SLC24A4: variants seen among roughly 807,000 people sequenced by gnomAD.
The protein encoded by SLC24A4 is solute carrier family 24 member 4.
SLC24A4 carries 53 observed loss-of-function variants against 79.0 expected under a neutral mutation model. The ratio of observed to expected loss-of-function variants is 0.67; its 90% CI spans 0.54 to 0.84. The LOEUF (loss-of-function observed/expected upper bound fraction) is 0.84, where lower values mean the gene tolerates loss of function less well. Ranked by LOEUF, SLC24A4 falls within the 40% of genes least tolerant of loss-of-function variation. The pLI is 0.00. For synonymous variants in SLC24A4, 323 were observed against 323.8 expected, an observed-to-expected ratio of 1.00 and a Z score of 0.03; for missense variants, 731 against 822.0, an observed-to-expected ratio of 0.89 and a Z score of 1.35.
At chr14:92,354,429 G>A (rs1356608252) in intron 2 of SLC24A4, among the ~76,000 whole-genome samples, 3 of 152,096 alleles carry the variant, frequency 2.0e-5, no homozygotes, top group Non-Finnish European at 2.9e-5. Context: ...GGGATTACAG[G>A]TGTGAGCCAC....
At chr14:92,474,856 T>TAGAG (rs1344488210) in intron 12 of SLC24A4, among the ~76,000 whole-genome samples, 1 of 68,848 alleles carries the variant, frequency 1.5e-5, no homozygotes, top group Non-Finnish European at 2.8e-5. Flanking sequence ...TATATATATA[T>TAGAG]ATATATATTT....
At chr14:92,361,897 C>A (rs892891473) in intron 2 of SLC24A4, among the ~76,000 whole-genome samples, 1 of 152,076 alleles carries the variant, frequency 6.6e-6, no homozygotes, top group African/African-American at 2.4e-5. Flanking sequence ...ATCAGAGGAA[C>A]GGAACCTGGA....
rs61744588 is a variant in SLC24A4 at position 92,492,225 on chromosome 14, C to T, written c.1701C>T (p.Gly567=). 4.2e-3 allele frequency: 6,734 copies of T among 1,614,092 alleles called. 280 individuals are homozygous for T. The African/African-American group carries it at 0.079, about 19-fold the overall frequency. Residue 567 remains glycine, a synonymous_variant, in exon 16 of 17, where the codon GGC becomes GGT. Coordinates refer to ENST00000532405, the MANE Select transcript of SLC24A4 (RefSeq NM_153646.4). ...GLVYSVVLLL[G]SVALTVLGIH... is the part of the protein sequence containing the mutation. ...TCTATTCCGTGGTCCTGTTGCTGGG[C>T]TCTGTCGCTCTCACCGTGAGTCTTT...
Position 92,486,662 on chromosome 14 carries a change from G to A in SLC24A4, c.1423-4G>A. 6.3e-7 allele frequency: 1 copy of A among 1,599,736 alleles called. No homozygotes were observed. Among genetic ancestry groups the A allele is most frequent in the South Asian group, 1.1e-5 (1 of 90,758 alleles). On this transcript the variant is annotated splice_region_variant and splice_polypyrimidine_tract_variant and intron_variant, in intron 13 of 16. Coordinates refer to ENST00000532405, the MANE Select transcript of SLC24A4 (RefSeq NM_153646.4). ...AGTTCATGTCTCCACCCCACATTCT[G>A]CAGGTGACTATTATCGGATACACAC...
Position 92,385,786 on chromosome 14 carries a change from C to T in SLC24A4, c.242-48126C>T, listed in dbSNP as rs11624299. Among the ~76,000 whole-genome samples the T allele has an allele frequency of 4.1e-3, 619 of 152,288 alleles. 4 individuals carry two copies. The highest frequency in any genetic ancestry group is 7.0e-3 in the Non-Finnish European group (477 of 68,026). ...TGTCCCATGAGGCTGAGCTGGGTGT[C>T]GCAAGGACAGCATCTGCTCCTTCCA... On this transcript the variant is annotated intron_variant, in intron 2 of 16. Coordinates refer to ENST00000532405, the MANE Select transcript of SLC24A4 (RefSeq NM_153646.4).
intron 6 of SLC24A4, 26 bp downstream of exon 6, chr14:92,442,842 CAG>C (rs745729196): frequency 1.3e-6 from 2 of 1,567,440 alleles, no homozygotes; most frequent in Non-Finnish European, 1.8e-6. Context: ...CTGGGCCCGG[CAG>C]ATGCATGCCC....
chr14:92,382,410 T>C (rs887259057), intron 2 of SLC24A4, among the ~76,000 whole-genome samples: 3 of 152,322 alleles, frequency 2.0e-5, no homozygotes, highest in Middle Eastern at 6.8e-3. Flanking sequence ...TGGTAGTCTC[T>C]GTCTCATAGT....
chr14:92,454,204 C>A, intron 11 of SLC24A4, 135 bp downstream of exon 11: 1 of 848,542 alleles, frequency 1.2e-6, no homozygotes, highest in Non-Finnish European at 1.8e-6. Context: ...AGAAGCCTGC[C>A]CATCAGCCAC....
At chr14:92,368,902 C>T (rs1455433302) in intron 2 of SLC24A4, among the ~76,000 whole-genome samples, 2 of 152,182 alleles carry the variant, frequency 1.3e-5, no homozygotes, top group Non-Finnish European at 2.9e-5. Context: ...GCACCCATTC[C>T]AGCTCCCTCC....
At chr14:92,344,892 C>T (rs908531102) in intron 2 of SLC24A4, among the ~76,000 whole-genome samples, 1 of 152,144 alleles carries the variant, frequency 6.6e-6, no homozygotes, top group African/African-American at 2.4e-5. Flanking sequence ...CTAAGCACTA[C>T]CTGTTTCCAA....
At chr14:92,465,674 A>G (rs10129711) in intron 12 of SLC24A4, among the ~76,000 whole-genome samples, 106,628 of 151,856 alleles carry the variant, frequency 0.7, 37,966 homozygotes, top group Non-Finnish European at 0.76. Context: ...CATACACAGG[A>G]TCCCTGTGTC....
At chr14:92,465,857 T>C (rs576072389) in intron 12 of SLC24A4, among the ~76,000 whole-genome samples, 1 of 152,236 alleles carries the variant, frequency 6.6e-6, no homozygotes, top group East Asian at 1.9e-4. Context: ...CCTACACCTG[T>C]GTGTGGCACT....
chr14:92,373,245 T>A (rs970117992), intron 2 of SLC24A4, among the ~76,000 whole-genome samples: 1 of 151,522 alleles, frequency 6.6e-6, no homozygotes, highest in African/African-American at 2.4e-5. Flanking sequence ...GGTTTCACCA[T>A]GTTGGCCAGG....
At chr14:92,377,566 C>T (rs778133124) in intron 2 of SLC24A4, among the ~76,000 whole-genome samples, 24 of 152,090 alleles carry the variant, frequency 1.6e-4, no homozygotes, top group Non-Finnish European at 3.2e-4. Context: ...AGGAGACAGC[C>T]GTGGCTGCAA....
At chr14:92,449,676 C>G (rs1282504506) in intron 10 of SLC24A4, among the ~76,000 whole-genome samples, 3 of 152,186 alleles carry the variant, frequency 2.0e-5, no homozygotes, top group African/African-American at 7.2e-5. Context: ...CTGGACAAAG[C>G]ATGGGTTCTC....
chr14:92,499,967 G>C lies in SLC24A4; in HGVS notation c.*6339G>C, dbSNP rs1013384733. On this transcript the variant is annotated 3_prime_UTR_variant, in exon 17 of 17. Coordinates refer to ENST00000532405, the MANE Select transcript of SLC24A4 (RefSeq NM_153646.4). ...CCATTCTCCTGCCTCAGCCTCCCGA[G>C]TAGCTGGGACTACAGGCGCCTGCCA... The C allele has an allele frequency of 1.3e-5, 2 of 151,954 alleles. No individual in the cohort carries two copies. Among genetic ancestry groups the C allele is most frequent in the Non-Finnish European group, 2.9e-5 (2 of 68,122 alleles). The allele number at this position is 151,954 out of a possible 1,614,324, so 9.4% of individuals were successfully genotyped here.
chr14:92,327,099 T>A (rs1885188102), intron 2 of SLC24A4, among the ~76,000 whole-genome samples: 1 of 152,212 alleles, frequency 6.6e-6, no homozygotes, highest in African/African-American at 2.4e-5. Context: ...TCGTAAGTGG[T>A]GACGCTGGTT....
At chr14:92,343,638 T>TTCTC (rs750814738) in intron 2 of SLC24A4, among the ~76,000 whole-genome samples, 1 of 127,264 alleles carries the variant, frequency 7.9e-6, no homozygotes, top group East Asian at 2.3e-4. Context: ...CTTTCTTTCT[T>TTCTC]TCTCTCTTTC....
intron 2 of SLC24A4, among the ~76,000 whole-genome samples, chr14:92,375,155 T>G (rs1888430339): frequency 6.6e-6 from 1 of 152,274 alleles, no homozygotes; most frequent in South Asian, 2.1e-4. Context: ...GGATGAAGTA[T>G]AGTTCAACCC....
Sources: gnomAD v4.1 joint callset for allele counts (sites outside exome capture counted in the v4.1 genomes callset) on GRCh38, gnomAD v4.1.1 for gene constraint, MANE v1.5 for transcripts, NCBI Gene and HGNC (gene_info 2026-07-23, HGNC 2026-07-21) for gene names.